The following CSMD1 variants were observed in gnomAD, a reference collection of about 807,000 sequenced individuals.
CSMD1 encodes CUB and sushi domain-containing protein 1.
Under a neutral mutation model 417.5 loss-of-function variants are expected in CSMD1, and 213 were observed. The observed-to-expected ratio is 0.51, with a 90% CI of 0.46 to 0.57. The LOEUF is 0.57. Among genes scored for constraint, CSMD1 ranks in the 20% least tolerant of loss-of-function variants. The probability of loss-of-function intolerance (pLI) is 0.00; values close to 1 mark genes in which losing one functional copy is unlikely to be tolerated. For synonymous variants in CSMD1, 2,862 were observed against 1,736.8 expected (o/e 1.65, Z -16.11); for missense variants, 6,923 against 4,529.7 (o/e 1.53, Z -15.17).
At chr8:4,011,187 C>T (rs1320122878) in intron 4 of CSMD1, among the ~76,000 whole-genome samples, 1 of 152,130 alleles carries the variant, frequency 6.6e-6, no homozygotes, top group African/African-American at 2.4e-5. Flanking sequence ...ATATTTCTAC[C>T]TAGTGGGTAC....
At chr8:4,847,890 G>C (rs1801239679) in intron 1 of CSMD1, among the ~76,000 whole-genome samples, 1 of 150,800 alleles carries the variant, frequency 6.6e-6, no homozygotes, top group Non-Finnish European at 1.5e-5. Context: ...CATCACCATA[G>C]TCAATTTTAA....
intron 5 of CSMD1, among the ~76,000 whole-genome samples, chr8:3,854,069 C>A: frequency 7.0e-6 from 1 of 141,940 alleles, no homozygotes; most frequent in East Asian, 2.0e-4. Context: ...TTATATTTAG[C>A]ATATAATATA....
chr8:4,806,240 T>A (rs952381244), intron 1 of CSMD1, among the ~76,000 whole-genome samples: 7 of 152,166 alleles, frequency 4.6e-5, no homozygotes, highest in Non-Finnish European at 1.0e-4. Context: ...TATAGCTTAC[T>A]GAGGATCATG....
rs117937362 is a variant in CSMD1 at position 3,581,431 on chromosome 8, C to T, written c.1222+4705G>A. 6.4e-3 allele frequency among the ~76,000 whole-genome samples: 974 copies of T among 152,270 alleles called. 8 individuals carry two copies. The highest frequency in any genetic ancestry group is 0.011 in the Non-Finnish European group (744 of 68,022). On this transcript the variant is annotated intron_variant, in intron 9 of 69. Coordinates refer to ENST00000635120, the MANE Select transcript of CSMD1 (RefSeq NM_033225.6). ...AGGAAGAAAAGGTAATGTTGCCCCC[C>T]GTTCTCAGAGCTAATTAGCTAATGT...
intron 7 of CSMD1, among the ~76,000 whole-genome samples, chr8:3,630,797 C>T (rs537630468): frequency 1.3e-5 from 2 of 152,186 alleles, no homozygotes; most frequent in Non-Finnish European, 2.9e-5. Flanking sequence ...AAGAACACAT[C>T]ACGATTTGGA....
chr8:4,221,800 C>G lies in CSMD1; in HGVS notation c.416-189701G>C, dbSNP rs149419870. Among the ~76,000 whole-genome samples, 788 of 152,242 alleles carry G rather than the reference C, an allele frequency of 5.2e-3. 8 individuals are homozygous for G. The highest frequency in any genetic ancestry group is 0.018 in the African/African-American group (748 of 41,540). On this transcript the variant is annotated intron_variant, in intron 3 of 69. Coordinates refer to ENST00000635120, the MANE Select transcript of CSMD1 (RefSeq NM_033225.6). ...ATATACATTCTGAAAGGTGGACCTC[C>G]AAATCTCCTTTTCCTACTTGGCTCT... is the stretch of plus-strand genomic sequence containing the variant.
At chr8:4,431,101 C>T (rs554441789) in intron 2 of CSMD1, among the ~76,000 whole-genome samples, 2 of 152,036 alleles carry the variant, frequency 1.3e-5, no homozygotes, top group Admixed American at 1.3e-4. Flanking sequence ...TATATTTAAT[C>T]TTAAACAGAC....
At chr8:4,155,743 G>C (rs966340632) in intron 3 of CSMD1, among the ~76,000 whole-genome samples, 3 of 152,098 alleles carry the variant, frequency 2.0e-5, no homozygotes, top group South Asian at 2.1e-4. Flanking sequence ...CTCCGTGTCA[G>C]CTTTTGTCAT....
rs140311110 is a variant in CSMD1, at chr8:4,729,735, A to G, written c.86-92177T>C. 2.6e-5 allele frequency among the ~76,000 whole-genome samples: 4 copies of G among 152,346 alleles called. No homozygotes were observed. The East Asian group carries it at 7.7e-4, about 29-fold the overall frequency. The stretch of plus-strand genomic sequence containing the variant: ...GCTGTGCTTACAACTCAAAGTTCCT[A>G]TAAAACTGTAGGGAAGGATCTCATA... On this transcript the variant is annotated intron_variant, in intron 1 of 69. Coordinates refer to ENST00000635120, the MANE Select transcript of CSMD1 (RefSeq NM_033225.6).
chr8:3,444,384 A>G (rs934501514), intron 12 of CSMD1, among the ~76,000 whole-genome samples: 1 of 152,234 alleles, frequency 6.6e-6, no homozygotes, highest in Admixed American at 6.5e-5. Flanking sequence ...CATTCCATAG[A>G]TTGAAAATCA....
intron 52 of CSMD1, among the ~76,000 whole-genome samples, chr8:3,008,742 G>T (rs1808154893): frequency 6.6e-6 from 1 of 152,154 alleles, no homozygotes; most frequent in Non-Finnish European, 1.5e-5. Flanking sequence ...TACTGTTTCT[G>T]CAACACTTGC....
chr8:4,347,141 A>T (rs1341976392), intron 3 of CSMD1, among the ~76,000 whole-genome samples: 1 of 152,132 alleles, frequency 6.6e-6, no homozygotes, highest in Non-Finnish European at 1.5e-5. Flanking sequence ...TGATTTTAGC[A>T]CTTGGTGTGA....
intron 16 of CSMD1, among the ~76,000 whole-genome samples, chr8:3,398,187 G>A (rs980053190): frequency 1.3e-5 from 2 of 152,088 alleles, no homozygotes. Context: ...AATTTGATAC[G>A]CTGCTGGGAG....
chr8:3,292,225 C>T (rs1462263325), intron 25 of CSMD1, among the ~76,000 whole-genome samples: 1 of 152,122 alleles, frequency 6.6e-6, no homozygotes, highest in Admixed American at 6.6e-5. Flanking sequence ...TTTACATTTG[C>T]TGAGGAGTGC....
chr8:4,174,133 G>C (rs998541437), intron 3 of CSMD1, among the ~76,000 whole-genome samples: 1 of 152,100 alleles, frequency 6.6e-6, no homozygotes, highest in East Asian at 1.9e-4. Context: ...TGGAAAGGGA[G>C]GGTCACCCAC....
chr8:3,792,667 C>T (rs1025766872), intron 5 of CSMD1, among the ~76,000 whole-genome samples: 2 of 152,120 alleles, frequency 1.3e-5, no homozygotes, highest in African/African-American at 4.8e-5. Flanking sequence ...GAAAACAAAA[C>T]AGAGACCGCA....
intron 3 of CSMD1, among the ~76,000 whole-genome samples, chr8:4,270,464 C>T (rs1804514839): frequency 6.6e-6 from 1 of 152,126 alleles, no homozygotes; most frequent in Non-Finnish European, 1.5e-5. Flanking sequence ...AGAGAAGCCG[C>T]AGAGCTTTTC....
intron 7 of CSMD1, among the ~76,000 whole-genome samples, chr8:3,691,673 T>C (rs1800250528): frequency 6.6e-6 from 1 of 152,204 alleles, no homozygotes; most frequent in African/African-American, 2.4e-5. Context: ...CTGGGCTAAG[T>C]ATTTTTTATA....
At chr8:4,442,082 T>C (rs1798516742) in intron 2 of CSMD1, among the ~76,000 whole-genome samples, 3 of 152,230 alleles carry the variant, frequency 2.0e-5, no homozygotes, top group South Asian at 4.1e-4. Context: ...AGAGTTTGAG[T>C]TGTAGAAACA....
Sources: gnomAD v4.1 joint callset for allele counts (sites outside exome capture counted in the v4.1 genomes callset) on GRCh38, gnomAD v4.1.1 for gene constraint, MANE v1.5 for transcripts, NCBI Gene and HGNC (gene_info 2026-07-23, HGNC 2026-07-21) for gene names.